CDK14: variants seen among roughly 807,000 people sequenced by gnomAD.
CDK14 encodes cyclin dependent kinase 14.
A neutral mutation model predicts 60.7 loss-of-function variants in CDK14; 34 were observed. That is an observed-to-expected ratio of 0.56 (90% CI 0.43 to 0.75). The LOEUF (loss-of-function observed/expected upper bound fraction) is 0.75. Among genes scored for constraint, CDK14 ranks in the 30% least tolerant of loss-of-function variants. CDK14 has a pLI of 0.00. For synonymous variants in CDK14, 197 were observed against 203.7 expected (o/e 0.97, Z 0.28); for missense variants, 482 against 564.1 (o/e 0.85, Z 1.47).
intron 2 of CDK14, among the ~76,000 whole-genome samples, chr7:90,637,579 T>A (rs1454219428): frequency 1.3e-5 from 2 of 151,858 alleles, no homozygotes; most frequent in Non-Finnish European, 2.9e-5. Flanking sequence ...TTGGAATAGG[T>A]GTGGTGTGGT....
At chr7:90,856,821 A>T (rs1001204049) in intron 5 of CDK14, among the ~76,000 whole-genome samples, 1 of 152,154 alleles carries the variant, frequency 6.6e-6, no homozygotes, top group Non-Finnish European at 1.5e-5. Context: ...TTGAAAAAAA[A>T]GTTGATGTTT....
At chr7:91,087,304 C>T (rs1454888361) in intron 12 of CDK14, among the ~76,000 whole-genome samples, 1 of 152,082 alleles carries the variant, frequency 6.6e-6, no homozygotes, top group Non-Finnish European at 1.5e-5. Flanking sequence ...AGTGGTCTTA[C>T]TGACCTAAGA....
intron 2 of CDK14, among the ~76,000 whole-genome samples, chr7:90,664,418 A>AC (rs1205807933): frequency 2.0e-5 from 3 of 152,144 alleles, no homozygotes; most frequent in Non-Finnish European, 4.4e-5. Flanking sequence ...ATACCATTTG[A>AC]CCCAGCCATC....
chr7:91,051,044 T>C lies in CDK14; in HGVS notation c.1105+5084T>C, dbSNP rs553505254. The stretch of plus-strand genomic sequence containing the variant: ...ACAGTTTACTGGCAATTAGACTATT[T>C]TAAAAAGCAGAAAAGTAGAGAAGAT... On this transcript the variant is annotated intron_variant, in intron 11 of 14. Coordinates refer to ENST00000380050, the MANE Select transcript of CDK14 (RefSeq NM_001287135.2). Among the ~76,000 whole-genome samples the C allele has an allele frequency of 1.1e-4, 16 of 152,298 alleles. No individual in the cohort carries two copies. The East Asian group carries it at 2.9e-3, about 27-fold the overall frequency.
chr7:90,834,130 T>C (rs190161735), intron 5 of CDK14, among the ~76,000 whole-genome samples: 1 of 152,292 alleles, frequency 6.6e-6, no homozygotes, highest in East Asian at 1.9e-4. Flanking sequence ...AACTTTATTG[T>C]AAGGACATTT....
At chr7:91,197,078 CCCA>C (rs1043980950) in intron 14 of CDK14, among the ~76,000 whole-genome samples, 6 of 152,094 alleles carry the variant, frequency 3.9e-5, no homozygotes, top group Non-Finnish European at 7.4e-5. Flanking sequence ...TTGCACTGCC[CCCA>C]CCACCCACAT....
At chr7:90,638,631 G>C (rs1432806165) in intron 2 of CDK14, among the ~76,000 whole-genome samples, 1 of 152,108 alleles carries the variant, frequency 6.6e-6, no homozygotes, top group Non-Finnish European at 1.5e-5. Context: ...TTCTCCAGGA[G>C]TATCTTTGTG....
intron 6 of CDK14, among the ~76,000 whole-genome samples, chr7:90,879,843 G>A (rs570100532): frequency 1.3e-5 from 2 of 151,768 alleles, no homozygotes; most frequent in South Asian, 4.2e-4. Context: ...AGTGTGGTAT[G>A]GTGGACCATC....
intron 6 of CDK14, among the ~76,000 whole-genome samples, chr7:90,883,688 A>G (rs554777893): frequency 6.6e-6 from 1 of 152,308 alleles, no homozygotes; most frequent in Admixed American, 6.5e-5. Context: ...AAAAATCCTC[A>G]ATAAATTACT....
Position 90,842,619 on chromosome 7 carries a change from G to C in CDK14, c.545-20556G>C, listed in dbSNP as rs1454746786. On this transcript the variant is annotated intron_variant, in intron 5 of 14. Coordinates refer to ENST00000380050, the MANE Select transcript of CDK14 (RefSeq NM_001287135.2). ...AAAACCCACACATCTATGTGCGTCT[G>C]TGCGTGCATACACATACACATGAAT... is the stretch of plus-strand genomic sequence containing the variant. Among the ~76,000 whole-genome samples, 5 of 152,166 alleles carry C rather than the reference G, an allele frequency of 3.3e-5. No individual in the cohort carries two copies. In the East Asian group the frequency reaches 9.6e-4, roughly 29 times the overall value.
At chr7:91,145,924 T>G (rs1800619407) in intron 14 of CDK14, among the ~76,000 whole-genome samples, 1 of 65,362 alleles carries the variant, frequency 1.5e-5, no homozygotes, top group South Asian at 4.9e-4. Flanking sequence ...CTTGCTTTAT[T>G]TATTTATTTA....
intron 14 of CDK14, among the ~76,000 whole-genome samples, chr7:91,163,943 T>C (rs75359516): frequency 0.059 from 8,986 of 152,270 alleles, 390 homozygotes; most frequent in Admixed American, 0.14. Flanking sequence ...GTCCAAGGCA[T>C]GGGCTCAAGT....
At chr7:90,791,088 T>C (rs1466759944) in intron 5 of CDK14, among the ~76,000 whole-genome samples, 5 of 152,238 alleles carry the variant, frequency 3.3e-5, no homozygotes, top group Admixed American at 1.3e-4. Context: ...GTACTTTTAC[T>C]GGTTTTTCTG....
intron 2 of CDK14, among the ~76,000 whole-genome samples, chr7:90,622,740 A>C (rs1189437773): frequency 7.4e-6 from 1 of 134,310 alleles, no homozygotes; most frequent in African/African-American, 2.9e-5. Flanking sequence ...AGCGAAGACT[A>C]CCCTGACTGT....
At chr7:90,986,929 A>G (rs1584201262) in intron 10 of CDK14, among the ~76,000 whole-genome samples, 1 of 151,952 alleles carries the variant, frequency 6.6e-6, no homozygotes, top group East Asian at 1.9e-4. Flanking sequence ...AAAGCAGAAA[A>G]CTTTAAAAAG....
chr7:90,903,272 T>C (rs780066613), intron 7 of CDK14, among the ~76,000 whole-genome samples: 6 of 152,126 alleles, frequency 3.9e-5, no homozygotes, highest in Non-Finnish European at 7.4e-5. Context: ...ACCATGTTCA[T>C]TGAAGCACTA....
intron 7 of CDK14, among the ~76,000 whole-genome samples, chr7:90,911,005 C>A (rs904402052): frequency 6.6e-6 from 1 of 152,148 alleles, no homozygotes; most frequent in Non-Finnish European, 1.5e-5. Context: ...CATCATTTAT[C>A]TCCCAAGTAT....
chr7:91,110,864 A>G lies in CDK14; in HGVS notation c.1155-1678A>G, dbSNP rs189854031. 2.0e-3 allele frequency among the ~76,000 whole-genome samples: 302 copies of G among 152,332 alleles called. 1 individual carries two copies. Among genetic ancestry groups the G allele is most frequent in the Middle Eastern group, 3.4e-3 (1 of 294 alleles). ...TGTACATTCAATATAACTTTTAACCATGAAGCCTATCTCAAACTTTGCGTT... is the reference window on the plus strand; with the variant it reads ...TGTACATTCAATATAACTTTTAACCGTGAAGCCTATCTCAAACTTTGCGTT... On this transcript the variant is annotated intron_variant, in intron 12 of 14. Coordinates refer to ENST00000380050, the MANE Select transcript of CDK14 (RefSeq NM_001287135.2).
intron 2 of CDK14, among the ~76,000 whole-genome samples, chr7:90,694,866 A>G (rs1801623692): frequency 6.6e-6 from 1 of 152,244 alleles, no homozygotes; most frequent in Non-Finnish European, 1.5e-5. Flanking sequence ...TTAGGTGTGA[A>G]TGATAAGGGA....
Sources: allele counts gnomAD v4.1 joint callset (sites outside exome capture counted in the v4.1 genomes callset), GRCh38; gene constraint gnomAD v4.1.1; transcripts MANE v1.5; gene names NCBI Gene and HGNC (gene_info 2026-07-23, HGNC 2026-07-21).